Variants in FER observed in about 807,000 individuals in gnomAD.
FER encodes tyrosine-protein kinase Fer.
A neutral mutation model predicts 111.0 loss-of-function variants in FER; 63 were observed. The ratio of observed to expected loss-of-function variants is 0.57; its 90% CI spans 0.46 to 0.70. FER has a LOEUF of 0.70. FER is among the 30% of genes least tolerant of loss of function. FER has a pLI of 0.00. For synonymous variants in FER, 327 were observed against 313.9 expected (o/e 1.04, Z -0.44); for missense variants, 914 against 954.0 (o/e 0.96, Z 0.55).
At chr5:108,843,885 G>A (rs956178980) in intron 5 of FER, among the ~76,000 whole-genome samples, 18 of 152,008 alleles carry the variant, frequency 1.2e-4, no homozygotes, top group African/African-American at 3.4e-4. Flanking sequence ...TTTCAAGCCC[G>A]TAGAAAAGTT....
intron 13 of FER, among the ~76,000 whole-genome samples, chr5:109,001,832 C>A (rs958203840): frequency 3.3e-5 from 5 of 151,460 alleles, no homozygotes; most frequent in Non-Finnish European, 5.9e-5. Context: ...CATTCTTATA[C>A]ACCAATAACA....
chr5:108,961,305 G>C (rs531619744), intron 13 of FER, among the ~76,000 whole-genome samples: 1 of 152,250 alleles, frequency 6.6e-6, no homozygotes, highest in South Asian at 2.1e-4. Context: ...TAAATTGGGA[G>C]ACCAAATCTA....
intron 16 of FER, among the ~76,000 whole-genome samples, chr5:109,079,547 ATTT>A (rs1776749631): frequency 6.6e-6 from 1 of 152,070 alleles, no homozygotes; most frequent in Admixed American, 6.6e-5. Context: ...AGCTTTCCTC[ATTT>A]TTTTCCTAGC....
At chr5:109,092,087 A>G (rs1746842750) in intron 16 of FER, among the ~76,000 whole-genome samples, 1 of 151,964 alleles carries the variant, frequency 6.6e-6, no homozygotes, top group South Asian at 2.1e-4. Flanking sequence ...GGCCCTCACC[A>G]GACACCAAGC....
chr5:108,912,941 A>G (rs1751757520), intron 10 of FER, among the ~76,000 whole-genome samples: 1 of 152,142 alleles, frequency 6.6e-6, no homozygotes, highest in South Asian at 2.1e-4. Flanking sequence ...TTGAGCCTAG[A>G]TGAGTACTCT....
intron 11 of FER, among the ~76,000 whole-genome samples, chr5:108,949,550 A>G (rs1266240274): frequency 6.6e-6 from 1 of 152,112 alleles, no homozygotes; most frequent in Non-Finnish European, 1.5e-5. Flanking sequence ...TTGATATTCC[A>G]TAATTTGTAC....
intron 13 of FER, among the ~76,000 whole-genome samples, chr5:108,992,528 A>T (rs1419775417): frequency 7.5e-6 from 1 of 133,164 alleles, no homozygotes; most frequent in Non-Finnish European, 1.6e-5. Flanking sequence ...TCCCTCCCGG[A>T]CGGGGCAGCT....
intron 13 of FER, among the ~76,000 whole-genome samples, chr5:109,014,159 T>C (rs1447260244): frequency 6.6e-6 from 1 of 151,664 alleles, no homozygotes; most frequent in Non-Finnish European, 1.5e-5. Context: ...TCCTTGCCCA[T>C]GCCTATGTCC....
At chr5:109,041,009 T>A (rs1771099822) in intron 14 of FER, among the ~76,000 whole-genome samples, 1 of 152,072 alleles carries the variant, frequency 6.6e-6, no homozygotes, top group Non-Finnish European at 1.5e-5. Context: ...AACAAAAGCA[T>A]CAGCTAAGAA....
At chr5:108,938,026 TCA>T (rs201092702) in intron 10 of FER, among the ~76,000 whole-genome samples, 9,347 of 130,648 alleles carry the variant, frequency 0.072, 366 homozygotes, top group Admixed American at 0.14. Flanking sequence ...TATCTCTCTC[TCA>T]CACACACACA....
chr5:109,042,632 A>T (rs1448867077), intron 14 of FER, among the ~76,000 whole-genome samples: 1 of 152,218 alleles, frequency 6.6e-6, no homozygotes, highest in Non-Finnish European at 1.5e-5. Flanking sequence ...GGCAGAAACC[A>T]TTAGAAAGAC....
intron 3 of FER, among the ~76,000 whole-genome samples, chr5:108,804,445 C>T (rs1451534467): frequency 6.6e-6 from 1 of 152,098 alleles, no homozygotes; most frequent in African/African-American, 2.4e-5. Context: ...ATTTGCCGTT[C>T]AGTATGATGT....
chr5:109,060,461 G>C (rs974471982), intron 16 of FER, among the ~76,000 whole-genome samples: 1 of 151,906 alleles, frequency 6.6e-6, no homozygotes, highest in Non-Finnish European at 1.5e-5. Flanking sequence ...TGAGGCGGGC[G>C]GATCATGAGG....
intron 5 of FER, among the ~76,000 whole-genome samples, chr5:108,858,300 T>C (rs984176918): frequency 6.6e-6 from 1 of 152,212 alleles, no homozygotes; most frequent in African/African-American, 2.4e-5. Context: ...AATGCTAGAA[T>C]ACACAGAAAG....
intron 15 of FER, 47 bp from the exon 16 acceptor site, chr5:109,047,057 C>G: frequency 9.9e-7 from 1 of 1,008,494 alleles, no homozygotes; most frequent in Non-Finnish European, 1.5e-6. Context: ...CAAATTAATG[C>G]TTTATTATTC....
At chr5:108,822,053 T>C (rs1296938402) in intron 3 of FER, among the ~76,000 whole-genome samples, 1 of 152,218 alleles carries the variant, frequency 6.6e-6, no homozygotes, top group Non-Finnish European at 1.5e-5. Flanking sequence ...TCTCTTTTTC[T>C]GAATTTGACT....
intron 13 of FER, among the ~76,000 whole-genome samples, chr5:109,027,422 A>G (rs554761415): frequency 2.0e-5 from 3 of 152,260 alleles, no homozygotes; most frequent in African/African-American, 7.2e-5. Flanking sequence ...AATGTTGGGG[A>G]GATATATAGG....
chr5:108,774,685 T>A (rs556204882), intron 2 of FER, among the ~76,000 whole-genome samples: 1 of 152,320 alleles, frequency 6.6e-6, no homozygotes, highest in South Asian at 2.1e-4. Context: ...GTTGGCTACA[T>A]AAATGTCTTT....
intron 13 of FER, among the ~76,000 whole-genome samples, chr5:108,999,795 C>A (rs1464918238): frequency 6.6e-6 from 1 of 150,432 alleles, no homozygotes; most frequent in African/African-American, 2.4e-5. Context: ...GATTTAACAT[C>A]TTTTCCTGTG....
Sources: gnomAD v4.1 joint callset for allele counts (sites outside exome capture counted in the v4.1 genomes callset) on GRCh38, gnomAD v4.1.1 for gene constraint, MANE v1.5 for transcripts, NCBI Gene and HGNC (gene_info 2026-07-23, HGNC 2026-07-21) for gene names.